Variants in TBC1D8 observed in about 807,000 individuals in gnomAD.
TBC1D8 encodes the protein BUB2-like protein 1.
A neutral mutation model predicts 118.8 loss-of-function variants in TBC1D8; 65 were observed. The ratio of observed to expected loss-of-function variants is 0.55; its 90% CI spans 0.45 to 0.67. The LOEUF is 0.67. Among genes scored for constraint, TBC1D8 ranks in the 30% least tolerant of loss-of-function variants. The pLI, the probability that TBC1D8 is intolerant of heterozygous loss-of-function variation, is 0.00. For missense variants in TBC1D8, 1,376 were observed against 1,471.2 expected, an observed-to-expected ratio of 0.94 and a Z score of 1.06; for synonymous variants, 566 against 595.8, an observed-to-expected ratio of 0.95 and a Z score of 0.73.
intron 4 of TBC1D8, among the ~76,000 whole-genome samples, chr2:101,052,586 C>T (rs182293487): frequency 3.3e-5 from 5 of 151,518 alleles, no homozygotes; most frequent in East Asian, 1.9e-4. Context: ...AAGCGATTCT[C>T]GTGCTTCAGC....
chr2:101,084,419 C>A lies in TBC1D8; in HGVS notation c.283+5790G>T, dbSNP rs138469621. 8.0e-3 allele frequency among the ~76,000 whole-genome samples: 1,217 copies of A among 152,268 alleles called. 19 individuals are homozygous for A. The highest frequency in any genetic ancestry group is 0.027 in the African/African-American group (1,131 of 41,560). Reference sequence around the variant, plus strand: ...AAAAAATTTGCCAGGCACAGTGGTGCGTGCACGTGTAATCCCAGCTATTCA... The same window carrying A: ...AAAAAATTTGCCAGGCACAGTGGTGAGTGCACGTGTAATCCCAGCTATTCA... On this transcript the variant is annotated intron_variant, in intron 2 of 19. Transcript: ENST00000409318.
chr2:101,109,783 G>C, intron 1 of TBC1D8: 1 of 985,076 alleles, frequency 1.0e-6, no homozygotes, highest in Non-Finnish European at 1.2e-6. Context: ...GGTGAGGACT[G>C]GTTAGAGACA....
intron 1 of TBC1D8, among the ~76,000 whole-genome samples, chr2:101,107,596 T>A (rs1318029341): frequency 1.3e-5 from 2 of 152,138 alleles, no homozygotes; most frequent in Non-Finnish European, 2.9e-5. Context: ...GGAAAAAAAT[T>A]CCTTGCCCTC....
At chr2:101,041,796 G>A (rs1192910239) in intron 5 of TBC1D8, among the ~76,000 whole-genome samples, 1 of 152,078 alleles carries the variant, frequency 6.6e-6, no homozygotes, top group East Asian at 1.9e-4. Context: ...AGGCCGTGCA[G>A]GTGGATCACT....
chr2:101,035,940 A>G lies in TBC1D8; in HGVS notation c.1603+78T>C, dbSNP rs1680976241. The G allele has an allele frequency of 4.6e-6, 7 of 1,524,712 alleles. No homozygotes were observed. The Admixed American group carries it at 5.3e-5, about 12-fold the overall frequency. The allele number at this position is 1,524,712 out of a possible 1,614,324, so 94.4% of individuals were successfully genotyped here. A position where few individuals can be genotyped will look rare whatever the true frequency, so the allele number is the denominator to read the frequency against. ...AACCATTTCATCTGCACATAAACAC[A>G]CGCGCTGCTCGGGTCCGGGCTGTTC... On this transcript the variant is annotated intron_variant, in intron 9 of 19. Transcript: ENST00000409318.
chr2:101,032,456 A>C lies in TBC1D8; in HGVS notation c.1819-71T>G. ...GCCACAGAGATGTTACAAGCATCCAAGCCCAAACAACCCACAAAAGTAAAG... is the reference window on the plus strand; with the variant it reads ...GCCACAGAGATGTTACAAGCATCCACGCCCAAACAACCCACAAAAGTAAAG... On this transcript the variant is annotated intron_variant, in intron 10 of 19. Coordinates refer to ENST00000409318, the MANE Select transcript of TBC1D8 (RefSeq NM_001330348.2). The C allele has an allele frequency of 1.5e-6, 2 of 1,332,944 alleles. 1 individual carries two copies. Among genetic ancestry groups the C allele is most frequent in the South Asian group, 2.4e-5 (2 of 82,626 alleles). 82.6% of individuals were successfully genotyped at this position (1,332,944 alleles called of 1,614,324 possible). A position where few individuals can be genotyped will look rare whatever the true frequency, so the allele number is the denominator to read the frequency against.
chr2:101,104,939 C>T (rs1340789337), intron 1 of TBC1D8, among the ~76,000 whole-genome samples: 2 of 150,336 alleles, frequency 1.3e-5, no homozygotes, highest in East Asian at 2.0e-4. Flanking sequence ...GGAGGAGAAT[C>T]GCTTGAACCC....
chr2:101,019,197 C>T (rs1679875894), intron 17 of TBC1D8: 6 of 908,588 alleles, frequency 6.6e-6, no homozygotes, highest in Non-Finnish European at 9.8e-6. Context: ...GGGGTTTCAA[C>T]AAGGTACTGA....
intron 7 of TBC1D8, 121 bp from the exon 8 acceptor site, chr2:101,037,829 A>G: frequency 1.6e-6 from 2 of 1,247,022 alleles, no homozygotes; most frequent in Non-Finnish European, 2.3e-6. Context: ...TCAATGACTC[A>G]GGGGGAAGAC....
intron 13 of TBC1D8, 45 bp from the exon 14 acceptor site, chr2:101,028,191 A>G (rs1343198872): frequency 8.1e-6 from 13 of 1,610,494 alleles, no homozygotes; most frequent in African/African-American, 1.3e-5. Flanking sequence ...CTGCTCATCC[A>G]AAGTGTGGAA....
At chr2:101,038,369 T>A in intron 7 of TBC1D8, 92 bp downstream of exon 7, 1 of 1,389,678 alleles carries the variant, frequency 7.2e-7, no homozygotes, top group Middle Eastern at 1.9e-4. Context: ...ATTCTTCTCA[T>A]CCCCACATGG....
chr2:101,106,186 G>T (rs977522357), intron 1 of TBC1D8, among the ~76,000 whole-genome samples: 12 of 152,130 alleles, frequency 7.9e-5, no homozygotes, highest in African/African-American at 2.9e-4. Context: ...TATAGCAAGG[G>T]TAGAAAGACA....
intron 1 of TBC1D8, among the ~76,000 whole-genome samples, chr2:101,110,978 C>T (rs1677550213): frequency 1.1e-5 from 1 of 94,412 alleles, no homozygotes; most frequent in Non-Finnish European, 2.1e-5. Context: ...AAAACTCCAT[C>T]GCAAAAAAAA....
chr2:101,034,177 T>C (rs768391619), intron 9 of TBC1D8, among the ~76,000 whole-genome samples: 12 of 152,092 alleles, frequency 7.9e-5, no homozygotes, highest in Non-Finnish European at 1.5e-4. Flanking sequence ...CCATGTAGCC[T>C]AGTCAAAAAA....
chr2:101,134,559 C>G (rs1041736704), intron 1 of TBC1D8, among the ~76,000 whole-genome samples: 1 of 152,090 alleles, frequency 6.6e-6, no homozygotes, highest in Admixed American at 6.5e-5. Flanking sequence ...TGAGGGTTCT[C>G]TTCTTGGCTT....
At chr2:101,147,813 T>C (rs1299695224) in intron 1 of TBC1D8, among the ~76,000 whole-genome samples, 2 of 152,208 alleles carry the variant, frequency 1.3e-5, no homozygotes, top group East Asian at 3.8e-4. Flanking sequence ...GCACAGTCTC[T>C]TTCCCACATG....
intron 17 of TBC1D8, among the ~76,000 whole-genome samples, chr2:101,017,406 A>G (rs1332490862): frequency 6.6e-6 from 1 of 152,224 alleles, no homozygotes; most frequent in East Asian, 1.9e-4. Flanking sequence ...ACTTTTATAC[A>G]ACGGCAATAG....
intron 1 of TBC1D8, among the ~76,000 whole-genome samples, chr2:101,105,094 G>A (rs1412478662): frequency 6.6e-6 from 1 of 151,358 alleles, no homozygotes; most frequent in Non-Finnish European, 1.5e-5. Flanking sequence ...GTGTGGTGAT[G>A]ACTCTGTAGA....
intron 17 of TBC1D8, among the ~76,000 whole-genome samples, chr2:101,014,168 G>T (rs1015402274): frequency 1.3e-5 from 2 of 151,774 alleles, no homozygotes; most frequent in Non-Finnish European, 2.9e-5. Context: ...GTTGAAAAGG[G>T]TCTGAGGCAG....
Sources: gnomAD v4.1 joint callset for allele counts (sites outside exome capture counted in the v4.1 genomes callset) on GRCh38, gnomAD v4.1.1 for gene constraint, MANE v1.5 for transcripts, NCBI Gene and HGNC (gene_info 2026-07-23, HGNC 2026-07-21) for gene names.